FMN2: variants seen among roughly 807,000 people sequenced by gnomAD.
The protein encoded by FMN2 is formin-2.
A neutral mutation model predicts 142.3 loss-of-function variants in FMN2; 51 were observed. The ratio of observed to expected loss-of-function variants is 0.36; its 90% CI spans 0.29 to 0.45. The LOEUF (loss-of-function observed/expected upper bound fraction) is 0.45. Among genes scored for constraint, FMN2 ranks in the 20% least tolerant of loss-of-function variants. FMN2 has a pLI of 1.00. For missense variants in FMN2, 1,936 were observed against 2,122.8 expected, an observed-to-expected ratio of 0.91 and a Z score of 1.73; for synonymous variants, 882 against 869.8, an observed-to-expected ratio of 1.01 and a Z score of -0.25.
intron 4 of FMN2, among the ~76,000 whole-genome samples, chr1:240,197,773 G>C (rs981374561): frequency 7.0e-6 from 1 of 143,868 alleles, no homozygotes; most frequent in African/African-American, 3.0e-5. Flanking sequence ...CCAGGTTCAA[G>C]CAATTCTGCC....
At chr1:240,121,988 C>CAT (rs1662286320) in intron 1 of FMN2, among the ~76,000 whole-genome samples, 1 of 151,882 alleles carries the variant, frequency 6.6e-6, no homozygotes, top group Non-Finnish European at 1.5e-5. Context: ...TAAATGGCGG[C>CAT]ATGATGCGTT....
At chr1:240,318,115 C>A (rs1467083524) in intron 8 of FMN2, among the ~76,000 whole-genome samples, 1 of 152,192 alleles carries the variant, frequency 6.6e-6, no homozygotes, top group Non-Finnish European at 1.5e-5. Context: ...CCTCAGATCA[C>A]CTCTTTCTTC....
At chr1:240,155,421 A>T (rs952316935) in intron 2 of FMN2, among the ~76,000 whole-genome samples, 8 of 152,194 alleles carry the variant, frequency 5.3e-5, no homozygotes, top group Admixed American at 2.6e-4. Flanking sequence ...AATAGCTGGG[A>T]TTAGATGTGC....
chr1:240,203,288 A>G (rs1666198647), intron 4 of FMN2, among the ~76,000 whole-genome samples: 1 of 152,202 alleles, frequency 6.6e-6, no homozygotes, highest in South Asian at 2.1e-4. Context: ...ATAGCATTTG[A>G]CCCAGCAACC....
intron 14 of FMN2, among the ~76,000 whole-genome samples, chr1:240,379,979 A>G (rs1673171554): frequency 1.3e-5 from 2 of 152,146 alleles, no homozygotes; most frequent in African/African-American, 4.8e-5. Flanking sequence ...ACCCAGATTC[A>G]TTTAAAAAAA....
chr1:240,349,836 A>C (rs1411614940), intron 13 of FMN2, among the ~76,000 whole-genome samples: 2 of 152,212 alleles, frequency 1.3e-5, no homozygotes, highest in Non-Finnish European at 2.9e-5. Context: ...CTCCTAACAA[A>C]TGTTTTTTAA....
intron 2 of FMN2, among the ~76,000 whole-genome samples, chr1:240,132,793 T>G (rs1297749760): frequency 6.6e-6 from 1 of 152,090 alleles, no homozygotes; most frequent in Admixed American, 6.6e-5. Context: ...GGTCGCGGTA[T>G]GAGGGAGGAT....
chr1:240,119,615 G>A (rs371376793), intron 1 of FMN2, among the ~76,000 whole-genome samples: 23 of 152,214 alleles, frequency 1.5e-4, no homozygotes, highest in African/African-American at 4.6e-4. Context: ...CCCCACTACC[G>A]CTAAACACGG....
chr1:240,410,324 GA>G (rs1408129810), intron 15 of FMN2, among the ~76,000 whole-genome samples: 5 of 152,292 alleles, frequency 3.3e-5, no homozygotes, highest in Non-Finnish European at 5.9e-5. Flanking sequence ...TTTTCTGTTT[GA>G]AATTCCTCTC....
intron 1 of FMN2, among the ~76,000 whole-genome samples, chr1:240,112,830 T>C (rs1661866637): frequency 6.6e-6 from 1 of 152,158 alleles, no homozygotes; most frequent in South Asian, 2.1e-4. Flanking sequence ...TGGCTGACCC[T>C]GTGGTCCGGG....
chr1:240,337,819 A>G (rs1400016289), intron 13 of FMN2, among the ~76,000 whole-genome samples: 1 of 152,234 alleles, frequency 6.6e-6, no homozygotes, highest in Admixed American at 6.5e-5. Context: ...ATCTCATTTT[A>G]GCATTTTATA....
At chr1:240,431,979 G>C (rs1389949561) in intron 15 of FMN2, among the ~76,000 whole-genome samples, 2 of 151,288 alleles carry the variant, frequency 1.3e-5, no homozygotes, top group African/African-American at 4.8e-5. Context: ...TCAGGGTAAA[G>C]CTGGCTTCAT....
chr1:240,194,487 A>G (rs1280785775), intron 4 of FMN2, among the ~76,000 whole-genome samples: 1 of 152,198 alleles, frequency 6.6e-6, no homozygotes, highest in African/African-American at 2.4e-5. Context: ...AAGGGAGAAT[A>G]AAGGAATAGG....
rs545947946 is a variant in FMN2 at position 240,219,369 on chromosome 1, G to A, written c.4065+8134G>A. Among the ~76,000 whole-genome samples, 419 of 152,146 alleles carry A rather than the reference G, an allele frequency of 2.8e-3. 2 individuals are homozygous for A. In the South Asian group the frequency reaches 0.029, roughly 11 times the overall value. On this transcript the variant is annotated intron_variant, in intron 6 of 17. Coordinates refer to ENST00000319653, the MANE Select transcript of FMN2 (RefSeq NM_020066.5). ...CTCAGGGCAAAGGAGGATTTTATTC[G>A]TCATTTGACCTACATAGTCACAATT... is the stretch of plus-strand genomic sequence containing the variant.
intron 8 of FMN2, among the ~76,000 whole-genome samples, chr1:240,307,666 G>A (rs1313769201): frequency 6.6e-6 from 1 of 152,218 alleles, no homozygotes; most frequent in African/African-American, 2.4e-5. Context: ...TAGAAGCCCA[G>A]TAATATGATG....
chr1:240,271,098 G>GTTTTTTTTTTTTTT lies in FMN2; in HGVS notation c.4153+13072_4153+13085dup, dbSNP rs56686860. 3.2e-3 allele frequency among the ~76,000 whole-genome samples: 229 copies of GTTTTTTTTTTTTTT among 72,194 alleles called. 33 individuals are homozygous for GTTTTTTTTTTTTTT. The highest frequency in any genetic ancestry group is 0.013 in the African/African-American group (198 of 15,072). The allele number at this position is 72,194 out of a possible 152,430, so 47.4% of individuals were successfully genotyped here. A position where few individuals can be genotyped will look rare whatever the true frequency, so the allele number is the denominator to read the frequency against. ...ACCCCCCTAGGAACTTTCCACGATG[G>GTTTTTTTTTTTTTT]TTTTTTTTTTTTTTTTTTTGTGACT... is the stretch of plus-strand genomic sequence containing the variant. On this transcript the variant is annotated intron_variant, in intron 7 of 17. Transcript: ENST00000319653.
intron 15 of FMN2, among the ~76,000 whole-genome samples, chr1:240,437,527 C>T (rs1248488926): frequency 6.6e-6 from 1 of 152,050 alleles, no homozygotes; most frequent in Non-Finnish European, 1.5e-5. Flanking sequence ...TGGTCTCGAT[C>T]TCCTGACCTC....
At chr1:240,415,208 A>C (rs549743829) in intron 15 of FMN2, among the ~76,000 whole-genome samples, 2 of 152,208 alleles carry the variant, frequency 1.3e-5, no homozygotes, top group South Asian at 4.1e-4. Context: ...ATGCAGCCAT[A>C]AAAAGGATGA....
At chr1:240,315,528 T>C (rs1670752080) in intron 8 of FMN2, among the ~76,000 whole-genome samples, 1 of 152,232 alleles carries the variant, frequency 6.6e-6, no homozygotes, top group African/African-American at 2.4e-5. Context: ...TTCCAGATGG[T>C]ATTACATGAG....
Sources: gnomAD v4.1 joint callset for allele counts (sites outside exome capture counted in the v4.1 genomes callset) on GRCh38, gnomAD v4.1.1 for gene constraint, MANE v1.5 for transcripts, NCBI Gene and HGNC (gene_info 2026-07-23, HGNC 2026-07-21) for gene names.